Variants in TRPC5OS observed in about 807,000 individuals in gnomAD.
TRPC5OS encodes the protein TRPC5 opposite strand, also known as putative uncharacterized protein TRPC5OS.
For synonymous variants in TRPC5OS, 30 were observed against 29.3 expected, an observed-to-expected ratio of 1.02 and a Z score of -0.08; for missense variants, 64 against 79.3, an observed-to-expected ratio of 0.81 and a Z score of 0.73.
chrX:111,896,485 C>G lies in TRPC5OS; in HGVS notation c.-321C>G, dbSNP rs150162769. The G allele has an allele frequency of 1.0e-3, 115 of 110,243 alleles. No homozygotes were observed. Among genetic ancestry groups the G allele is most frequent in the African/African-American group, 3.7e-3 (112 of 30,330 alleles). The allele number at this position is 110,243 out of a possible 1,213,427, so 9.1% of individuals were successfully genotyped here. ...GCCTTGATATCCGCATCCCTCTCAG[C>G]TCTATCACAGGTAAGTAGTTTATGA... On this transcript the variant is annotated 5_prime_UTR_variant, in exon 3 of 4. Transcript: ENST00000635763.
At chrX:111,893,986 C>T (rs969911410) in intron 1 of TRPC5OS, among the ~76,000 whole-genome samples, 20 of 111,275 alleles carry the variant, frequency 1.8e-4, no homozygotes, top group Non-Finnish European at 7.5e-5. Context: ...AAGAGGGTAA[C>T]GAGAAGTTAT....
At chrX:111,881,027 G>C (rs780067025) in intron 1 of TRPC5OS, among the ~76,000 whole-genome samples, 1 of 111,869 alleles carries the variant, frequency 8.9e-6, no homozygotes, top group African/African-American at 3.3e-5. Context: ...GTGCATTGGT[G>C]ATCTCTCTTC....
intron 1 of TRPC5OS, among the ~76,000 whole-genome samples, chrX:111,883,800 A>T (rs1924345056): frequency 1.8e-5 from 2 of 112,782 alleles, no homozygotes; most frequent in South Asian, 7.3e-4. Flanking sequence ...GTCTATGCCT[A>T]ATTATGTTGT....
At chrX:111,893,198 C>T (rs1924894247) in intron 1 of TRPC5OS, among the ~76,000 whole-genome samples, 2 of 109,816 alleles carry the variant, frequency 1.8e-5, no homozygotes, top group South Asian at 7.8e-4. Context: ...TCTCAGAAAG[C>T]TGAAGAAAGA....
At chrX:111,889,043 G>T (rs1924676615) in intron 1 of TRPC5OS, among the ~76,000 whole-genome samples, 1 of 112,274 alleles carries the variant, frequency 8.9e-6, no homozygotes, top group Admixed American at 9.4e-5. Flanking sequence ...TCAATGTAAT[G>T]AAAGTAGATA....
intron 1 of TRPC5OS, among the ~76,000 whole-genome samples, chrX:111,889,327 T>G (rs1437013473): frequency 4.5e-5 from 5 of 111,936 alleles, no homozygotes; most frequent in African/African-American, 3.3e-5. Context: ...AAAAGTGTGT[T>G]TCAGGACATA....
chrX:111,892,107 A>C (rs894442430), intron 1 of TRPC5OS, among the ~76,000 whole-genome samples: 63 of 112,091 alleles, frequency 5.6e-4, no homozygotes, highest in African/African-American at 2.0e-3. Flanking sequence ...GCAAGCTGGC[A>C]TTTGCCACAG....
At chrX:111,897,268 T>G (rs1925111957) in intron 3 of TRPC5OS, among the ~76,000 whole-genome samples, 1 of 111,636 alleles carries the variant, frequency 9.0e-6, no homozygotes, top group Admixed American at 9.6e-5. Flanking sequence ...TTACAGTCCT[T>G]GACACACAAT....
At chrX:111,883,529 C>T (rs868353759) in intron 1 of TRPC5OS, among the ~76,000 whole-genome samples, 1 of 112,827 alleles carries the variant, frequency 8.9e-6, no homozygotes, top group Admixed American at 9.4e-5. Context: ...AGAGCCTAAG[C>T]CTAATTCAGG....
At chrX:111,883,105 G>T (rs989596141) in intron 1 of TRPC5OS, among the ~76,000 whole-genome samples, 2 of 101,223 alleles carry the variant, frequency 2.0e-5, no homozygotes, top group Non-Finnish European at 2.0e-5. Flanking sequence ...AAAAAAAAAA[G>T]ACCTAGTCAC....
intron 1 of TRPC5OS, among the ~76,000 whole-genome samples, chrX:111,879,344 C>T (rs1308752018): frequency 8.9e-6 from 1 of 111,923 alleles, no homozygotes; most frequent in Non-Finnish European, 1.9e-5. Flanking sequence ...ATGTATCATC[C>T]CAATGGGGCC....
At chrX:111,883,685 C>G (rs778454376) in intron 1 of TRPC5OS, among the ~76,000 whole-genome samples, 20 of 111,706 alleles carry the variant, frequency 1.8e-4, no homozygotes, top group African/African-American at 5.8e-4. Flanking sequence ...TAAAGCATAA[C>G]CAATGCCTAA....
At chrX:111,886,258 C>T (rs372110975) in intron 1 of TRPC5OS, among the ~76,000 whole-genome samples, 5 of 112,377 alleles carry the variant, frequency 4.4e-5, no homozygotes, top group African/African-American at 1.6e-4. Context: ...CCAGCCTGGG[C>T]GACAAGAGTG....
At chrX:111,887,335 C>G (rs761459396) in intron 1 of TRPC5OS, among the ~76,000 whole-genome samples, 1 of 112,132 alleles carries the variant, frequency 8.9e-6, no homozygotes, top group South Asian at 3.8e-4. Flanking sequence ...ATCATTTTCT[C>G]TCATATTCAC....
At chrX:111,885,557 T>TA (rs77870285) in intron 1 of TRPC5OS, among the ~76,000 whole-genome samples, 17 of 106,186 alleles carry the variant, frequency 1.6e-4, no homozygotes, top group Admixed American at 3.0e-4. Context: ...TTTTTTTTTT[T>TA]AAAAAAAGAA....
intron 1 of TRPC5OS, among the ~76,000 whole-genome samples, chrX:111,876,503 TTC>T (rs1165291586): frequency 8.9e-5 from 10 of 111,956 alleles, no homozygotes. Context: ...TTTATGTAAA[TTC>T]TCTTTTTCCT....
chrX:111,887,412 C>T (rs1210614991), intron 1 of TRPC5OS, among the ~76,000 whole-genome samples: 1 of 112,050 alleles, frequency 8.9e-6, no homozygotes, highest in African/African-American at 3.2e-5. Context: ...ACACATTAAG[C>T]TTCAAGGCAC....
At position 111,902,170 on chromosome X, in the gene TRPC5OS, C is replaced by G. The variant is rs1925386119; in HGVS notation, c.321C>G (p.Asp107Glu). Residue 107 changes from aspartate to glutamate, a missense_variant, in exon 4 of 4, where the codon GAC becomes GAG. Transcript: ENST00000635763. The stretch of plus-strand genomic sequence containing the variant: ...ATACAGTCTCTGGTATAAATGATGA[C>G]TTAACAGGTGACTAAGACCCAATTT... ...YEDTVSGIND[D>E]LTGD 8.9e-6 allele frequency: 10 copies of G among 1,123,316 alleles called. No homozygotes were observed. The East Asian group carries it at 3.3e-4, about 37-fold the overall frequency. 92.6% of individuals were successfully genotyped at this position (1,123,316 alleles called of 1,213,427 possible). A position where few individuals can be genotyped will look rare whatever the true frequency, so the allele number is the denominator to read the frequency against.
rs192792016 is a variant in TRPC5OS at position 111,887,860 on chromosome X, T to C, written c.-545-8091T>C. Reference sequence around the variant, plus strand: ...ATCCCTGCCTTCATGGAGCTTACATTCTAGAGAGGAAAACCAGAAAATAAA... The same window carrying C: ...ATCCCTGCCTTCATGGAGCTTACATCCTAGAGAGGAAAACCAGAAAATAAA... On this transcript the variant is annotated intron_variant, in intron 1 of 3. Transcript: ENST00000635763. Among the ~76,000 whole-genome samples, 203 of 112,165 alleles carry C rather than the reference T, an allele frequency of 1.8e-3. 1 individual carries two copies. Among genetic ancestry groups the C allele is most frequent in the African/African-American group, 6.3e-3 (194 of 30,913 alleles).
Sources: allele counts gnomAD v4.1 joint callset (sites outside exome capture counted in the v4.1 genomes callset), GRCh38; gene constraint gnomAD v4.1.1; transcripts MANE v1.5; gene names NCBI Gene and HGNC (gene_info 2026-07-23, HGNC 2026-07-21).